The following NACC2 variants were observed in gnomAD, a reference collection of about 807,000 sequenced individuals.
NACC2 encodes nucleus accumbens-associated protein 2.
A neutral mutation model predicts 25.1 loss-of-function variants in NACC2; 8 were observed. The ratio of observed to expected loss-of-function variants is 0.32; its 90% confidence interval spans 0.19 to 0.57. The LOEUF is 0.57. NACC2 is among the 20% of genes least tolerant of loss of function. NACC2 has a pLI of 0.89. For missense variants in NACC2, 644 were observed against 650.2 expected, an observed-to-expected ratio of 0.99 and a Z score of 0.10; for synonymous variants, 435 against 294.7, an observed-to-expected ratio of 1.48 and a Z score of -4.88.
At chr9:136,069,157 C>T (rs892616066) in intron 1 of NACC2, among the ~76,000 whole-genome samples, 5 of 151,630 alleles carry the variant, frequency 3.3e-5, no homozygotes, top group Admixed American at 1.3e-4. Flanking sequence ...CTGCCCGCCT[C>T]GGCCTCCCAA....
Position 136,033,894 on chromosome 9 carries a change from GGTGTGTGTGTGTGTGT to G in NACC2, c.886+15726_886+15741del, listed in dbSNP as rs57460855. 1.1e-3 allele frequency among the ~76,000 whole-genome samples: 157 copies of G among 137,026 alleles called. 1 individual carries two copies. Among genetic ancestry groups the G allele is most frequent in the South Asian group, 1.2e-3 (5 of 4,026 alleles). 89.9% of individuals were successfully genotyped at this position (137,026 alleles called of 152,430 possible). A position where few individuals can be genotyped will look rare whatever the true frequency, so the allele number is the denominator to read the frequency against. ...ATGCAATCCCAATCAAATTCCAGCAGGTGTGTGTGTGTGTGTGTGTGTGTGTGTGTGTGTGTGTGTG... is the reference window on the plus strand; with the variant it reads ...ATGCAATCCCAATCAAATTCCAGCAGGTGTGTGTGTGTGTGTGTGTGTGTG... On this transcript the variant is annotated intron_variant, in intron 2 of 5. Transcript: ENST00000277554.
At position 136,049,861 on chromosome 9, in the gene NACC2, C is replaced by T. The variant is rs1840790023; in HGVS notation, c.661G>A (p.Val221Ile). 3.0e-5 allele frequency: 20 copies of T among 656,506 alleles called. No homozygotes were observed. Among genetic ancestry groups the T allele is most frequent in the Non-Finnish European group, 5.7e-5 (20 of 353,964 alleles). The allele number at this position is 656,506 out of a possible 1,614,324, so 40.7% of individuals were successfully genotyped here. The change falls in exon 2 of 6, where the codon GTC (valine) becomes ATC (isoleucine). Residue 221 changes from valine to isoleucine, a missense_variant. Physicochemically the swap from Val to Ile is conservative, Grantham distance 29. Coordinates refer to ENST00000277554, the MANE Select transcript of NACC2 (RefSeq NM_144653.5). Reference sequence around the variant, plus strand: ...AGGCTGGGCACCCCGTAGTAGGAGACACGGGGCAGTTTGAGAGGGGCTGTG... The same window carrying T: ...AGGCTGGGCACCCCGTAGTAGGAGATACGGGGCAGTTTGAGAGGGGCTGTG... The part of the protein sequence containing the change: ...AGTAPLKLPR[V>I]SYYGVPSLAT...
Position 136,047,290 on chromosome 9 carries a change from C to G in NACC2, c.886+2346G>C, listed in dbSNP as rs1014512349. Among the ~76,000 whole-genome samples the G allele has an allele frequency of 2.6e-5, 4 of 152,208 alleles. No individual in the cohort carries two copies. The South Asian group carries it at 6.2e-4, about 24-fold the overall frequency. On this transcript the variant is annotated intron_variant, in intron 2 of 5. Transcript: ENST00000277554. Reference sequence around the variant, plus strand: ...ACGGCCCCTCCCTCTACCTGCTCCCCCCATGGCACCGCCAACCCAGCACAC... The same window carrying G: ...ACGGCCCCTCCCTCTACCTGCTCCCGCCATGGCACCGCCAACCCAGCACAC...
chr9:136,029,555 G>A (rs932269246), intron 2 of NACC2, among the ~76,000 whole-genome samples: 1 of 152,228 alleles, frequency 6.6e-6, no homozygotes, highest in Non-Finnish European at 1.5e-5. Context: ...TGGGCAATGA[G>A]GAGAGAAGAG....
chr9:136,029,612 G>A (rs1840444014), intron 2 of NACC2, among the ~76,000 whole-genome samples: 1 of 152,220 alleles, frequency 6.6e-6, no homozygotes, highest in African/African-American at 2.4e-5. Flanking sequence ...GTGAGCCGGG[G>A]CTGTGACACC....
rs949716185 is a variant in NACC2, at chr9:136,055,872, G to C, written c.-59-5292C>G. Among the ~76,000 whole-genome samples, 14 of 152,132 alleles carry C rather than the reference G, an allele frequency of 9.2e-5. No individual in the cohort carries two copies. The highest frequency in any genetic ancestry group is 8.5e-4 in the Admixed American group (13 of 15,278). ...GAGGACATCTCCTAAAAGGTCAATC[G>C]AAGGCGCTCCTGGAGCGTGAGAAGG... On this transcript the variant is annotated intron_variant, in intron 1 of 5. Coordinates refer to ENST00000277554, the MANE Select transcript of NACC2 (RefSeq NM_144653.5). This position sits in a 1 kb window ranked among gnomAD's most constrained non-coding sequence, Gnocchi z 4.9.
chr9:136,084,799 G>A lies in NACC2; in HGVS notation c.-60+10390C>T, dbSNP rs1056397342. On this transcript the variant is annotated intron_variant, in intron 1 of 5. Coordinates refer to ENST00000277554, the MANE Select transcript of NACC2 (RefSeq NM_144653.5). This position sits in a 1 kb window ranked among gnomAD's most constrained non-coding sequence, Gnocchi z 5.1. ...CCACTCCCTGCAACCCGGAGGAGCC[G>A]TGGGGAGAGGGTGCGGAGCAAATGA... is the stretch of plus-strand genomic sequence containing the variant. Among the ~76,000 whole-genome samples, 6 of 152,362 alleles carry A rather than the reference G, an allele frequency of 3.9e-5. No individual in the cohort carries two copies. Among genetic ancestry groups the A allele is most frequent in the East Asian group, 1.9e-4 (1 of 5,186 alleles).
At chr9:136,033,101 A>G (rs1840497310) in intron 2 of NACC2, among the ~76,000 whole-genome samples, 1 of 151,998 alleles carries the variant, frequency 6.6e-6, no homozygotes, top group Admixed American at 6.6e-5. Context: ...ACTTGAGCCC[A>G]GGAGGTGGAG....
intron 2 of NACC2, among the ~76,000 whole-genome samples, chr9:136,017,678 G>C (rs569096424): frequency 1.3e-5 from 2 of 152,332 alleles, no homozygotes; most frequent in Admixed American, 1.3e-4. Context: ...TCACACCCCA[G>C]CCTGGTAGGC....
At chr9:136,079,625 G>C (rs549989344) in intron 1 of NACC2, among the ~76,000 whole-genome samples, 4 of 152,318 alleles carry the variant, frequency 2.6e-5, no homozygotes, top group African/African-American at 9.6e-5. Context: ...AGAGAGGCCA[G>C]AGGCCCCCCA....
chr9:136,050,064 G>C lies in NACC2; in HGVS notation c.458C>G (p.Ala153Gly), dbSNP rs1299724331. Residue 153 changes from alanine to glycine, a missense_variant, in exon 2 of 6, where the codon GCC becomes GGC. By Grantham distance (60) the Ala-to-Gly change is moderately conservative. Coordinates refer to ENST00000277554, the MANE Select transcript of NACC2 (RefSeq NM_144653.5). ...QSPCNQLQPAAAAAAPYVVSP... is the reference protein window; with the variant it reads ...QSPCNQLQPAGAAAAPYVVSP... ...CACGACGTAGGGGGCCGCGGCGGCG[G>C]CGGCCGGCTGCAGCTGGTTGCAGGG... 1.4e-6 allele frequency: 1 copy of C among 730,458 alleles called. No individual in the cohort carries two copies. Among genetic ancestry groups the C allele is most frequent in the Non-Finnish European group, 2.5e-6 (1 of 399,908 alleles). 45.2% of individuals were successfully genotyped at this position (730,458 alleles called of 1,614,324 possible).
Position 136,006,538 on chromosome 9 carries a change from T to C in NACC2, c.*4978A>G, listed in dbSNP as rs530565452. 4 of 152,360 alleles carry C rather than the reference T, an allele frequency of 2.6e-5. No individual in the cohort carries two copies. Among genetic ancestry groups the C allele is most frequent in the Non-Finnish European group, 5.9e-5 (4 of 68,038 alleles). 9.4% of individuals were successfully genotyped at this position (152,360 alleles called of 1,614,324 possible). A position where few individuals can be genotyped will look rare whatever the true frequency, so the allele number is the denominator to read the frequency against. Reference sequence around the variant, plus strand: ...AGGGCCAAGCCAAGTCCAGGAAACTTAGGTTTGAACTGACTTTATTATTTT... The same window carrying C: ...AGGGCCAAGCCAAGTCCAGGAAACTCAGGTTTGAACTGACTTTATTATTTT... On this transcript the variant is annotated 3_prime_UTR_variant, in exon 6 of 6. Coordinates refer to ENST00000277554, the MANE Select transcript of NACC2 (RefSeq NM_144653.5).
Position 136,011,338 on chromosome 9 carries a change from G to GTTA in NACC2, c.*177_*178insTAA. ...GCTGCCAGTGGCCTAATTGTTTACA[G>GTTA]TATAATGAATGCATTTGTTTCCTTC... On this transcript the variant is annotated 3_prime_UTR_variant, in exon 6 of 6. Transcript: ENST00000277554. 1 of 692,258 alleles carries GTTA rather than the reference G, an allele frequency of 1.4e-6. No individual in the cohort carries two copies. The highest frequency in any genetic ancestry group is 2.0e-6 in the Non-Finnish European group (1 of 489,940). 42.9% of individuals were successfully genotyped at this position (692,258 alleles called of 1,614,324 possible).
intron 2 of NACC2, among the ~76,000 whole-genome samples, chr9:136,023,390 G>A (rs995778494): frequency 4.6e-5 from 7 of 152,086 alleles, no homozygotes; most frequent in Non-Finnish European, 8.8e-5. Context: ...CGAGTGAGTG[G>A]GACCCTCTGG....
chr9:136,083,134 G>A (rs1588584239), intron 1 of NACC2, among the ~76,000 whole-genome samples: 1 of 152,178 alleles, frequency 6.6e-6, no homozygotes, highest in African/African-American at 2.4e-5. Context: ...TGCCAGAAAC[G>A]GGGCCACCCT....
chr9:136,067,783 C>T (rs1173614717), intron 1 of NACC2, among the ~76,000 whole-genome samples: 1 of 152,194 alleles, frequency 6.6e-6, no homozygotes, highest in Non-Finnish European at 1.5e-5. Flanking sequence ...TGCGGTGAGC[C>T]GAGATCGCGG....
chr9:136,081,685 G>A (rs1204919460), intron 1 of NACC2, among the ~76,000 whole-genome samples: 1 of 152,150 alleles, frequency 6.6e-6, no homozygotes, highest in African/African-American at 2.4e-5. Context: ...GGGCAGCTGC[G>A]GCCCCCAGGC....
chr9:136,080,368 G>T (rs142782445), intron 1 of NACC2, among the ~76,000 whole-genome samples: 1 of 152,276 alleles, frequency 6.6e-6, no homozygotes, highest in African/African-American at 2.4e-5. Flanking sequence ...AGGAAAATCC[G>T]CCCAGCAGCC....
chr9:136,048,898 T>C (rs1032632536), intron 2 of NACC2, among the ~76,000 whole-genome samples: 1 of 152,222 alleles, frequency 6.6e-6, no homozygotes, highest in Admixed American at 6.5e-5. Flanking sequence ...GCTGGCATTA[T>C]GCACCCGCAC....
Sources: gnomAD v4.1 joint callset for allele counts (sites outside exome capture counted in the v4.1 genomes callset) on GRCh38, gnomAD v4.1.1 for gene constraint, Gnocchi (gnomAD v3.1) non-coding constraint, MANE v1.5 for transcripts, NCBI Gene and HGNC (gene_info 2026-07-23, HGNC 2026-07-21) for gene names.